The following SLC44A5 variants were observed in gnomAD, a reference collection of about 807,000 sequenced individuals.
The protein encoded by SLC44A5 is solute carrier family 44 member 5, also known as choline transporter-like protein 5.
In SLC44A5, 57 loss-of-function variants were observed where a neutral mutation model predicts 101.8. The ratio of observed to expected loss-of-function variants is 0.56; its 90% confidence interval spans 0.45 to 0.70. The LOEUF (loss-of-function observed/expected upper bound fraction) is 0.70. SLC44A5 is among the 30% of genes least tolerant of loss of function. The pLI, the probability that SLC44A5 is intolerant of heterozygous loss-of-function variation, is 0.00. For missense variants in SLC44A5, 737 were observed against 853.1 expected, an observed-to-expected ratio of 0.86 and a Z score of 1.70; for synonymous variants, 281 against 290.9, an observed-to-expected ratio of 0.97 and a Z score of 0.35.
chr1:75,339,895 C>T (rs1264654868), intron 3 of SLC44A5, among the ~76,000 whole-genome samples: 2 of 152,084 alleles, frequency 1.3e-5, no homozygotes, highest in Admixed American at 1.3e-4. Context: ...ATACTGAGTA[C>T]CAACATTAAA....
intron 2 of SLC44A5, among the ~76,000 whole-genome samples, chr1:75,488,757 G>A (rs1230559137): frequency 6.6e-6 from 1 of 152,172 alleles, no homozygotes. Context: ...ACATTTTTCT[G>A]TAGTTATAGC....
At chr1:75,262,669 G>T (rs910070441) in intron 6 of SLC44A5, among the ~76,000 whole-genome samples, 2 of 152,100 alleles carry the variant, frequency 1.3e-5, no homozygotes, top group South Asian at 2.1e-4. Flanking sequence ...AGCCCGCATT[G>T]CCAAGACAAT....
intron 1 of SLC44A5, among the ~76,000 whole-genome samples, chr1:75,589,511 T>C (rs947265045): frequency 5.3e-5 from 8 of 152,194 alleles, no homozygotes; most frequent in African/African-American, 1.9e-4. Flanking sequence ...GATGGTATAA[T>C]GGAAAGCTCT....
chr1:75,582,741 T>C (rs1673770465), intron 1 of SLC44A5, among the ~76,000 whole-genome samples: 1 of 152,238 alleles, frequency 6.6e-6, no homozygotes, highest in Non-Finnish European at 1.5e-5. Context: ...AAGGAAACTT[T>C]CTAATTTAGC....
chr1:75,606,263 A>G (rs1479512907), intron 1 of SLC44A5, among the ~76,000 whole-genome samples: 1 of 151,948 alleles, frequency 6.6e-6, no homozygotes, highest in African/African-American at 2.4e-5. Context: ...TACCTCTCTT[A>G]ATACTCCATT....
the SLC44A5 span, among the ~76,000 whole-genome samples, chr1:75,722,686 A>G: frequency 0.013 from 1,977 of 152,312 alleles, 55 homozygotes; most frequent in African/African-American, 0.045. Context: ...CACGAGAAGC[A>G]GGGAGCTCTC....
chr1:75,454,580 T>C (rs1443413297), intron 2 of SLC44A5, among the ~76,000 whole-genome samples: 1 of 151,750 alleles, frequency 6.6e-6, no homozygotes, highest in Non-Finnish European at 1.5e-5. Context: ...ATAAAAAGTA[T>C]CCAAATAGGA....
At chr1:75,362,300 G>A (rs76447973) in intron 3 of SLC44A5, among the ~76,000 whole-genome samples, 1 of 151,242 alleles carries the variant, frequency 6.6e-6, no homozygotes, top group African/African-American at 2.4e-5. Flanking sequence ...TTTATGCTGT[G>A]ATCTTCATTA....
At chr1:75,312,028 G>C (rs750348283) in intron 4 of SLC44A5, among the ~76,000 whole-genome samples, 7 of 152,116 alleles carry the variant, frequency 4.6e-5, no homozygotes, top group Non-Finnish European at 8.8e-5. Context: ...ATGTTGATGA[G>C]GGGGGCTGGT....
At chr1:75,561,036 C>A (rs211702) in intron 1 of SLC44A5, among the ~76,000 whole-genome samples, 115,481 of 152,058 alleles carry the variant, frequency 0.76, 44,191 homozygotes, top group East Asian at 0.95. Context: ...ATTCATGTGT[C>A]CACAGGGTAA....
At chr1:75,697,633 A>G in the SLC44A5 span, among the ~76,000 whole-genome samples, 1 of 152,138 alleles carries the variant, frequency 6.6e-6, no homozygotes, top group African/African-American at 2.4e-5. Flanking sequence ...AAAAATACAA[A>G]AATTAGGGGG....
In SLC44A5 at chr1:75,388,150, A is replaced by G. The variant is rs374252751; in HGVS notation, c.52+8433T>C. Among the ~76,000 whole-genome samples the G allele has an allele frequency of 1.6e-4, 24 of 146,870 alleles. 1 individual carries two copies. In the East Asian group the frequency reaches 4.9e-3, roughly 30 times the overall value. On this transcript the variant is annotated intron_variant, in intron 3 of 23. Coordinates refer to ENST00000370859, the MANE Select transcript of SLC44A5 (RefSeq NM_001130058.2). Reference sequence around the variant, plus strand: ...TGGGTGCAGCGCACCAGCATGGCACATGTATACATATGTAACTAACCTGCA... The same window carrying G: ...TGGGTGCAGCGCACCAGCATGGCACGTGTATACATATGTAACTAACCTGCA...
In SLC44A5 at chr1:75,540,540, A is replaced by G. The variant is rs183004638; in HGVS notation, c.13+895T>C. On this transcript the variant is annotated intron_variant, in intron 2 of 23. Transcript: ENST00000370859. ...TTGAGGAACATGTGTAGATTCAAAC[A>G]TATTCTGGGTTCCTCTTTTAAGAAT... Among the ~76,000 whole-genome samples the G allele has an allele frequency of 1.7e-3, 260 of 151,958 alleles. 1 individual carries two copies. The highest frequency in any genetic ancestry group is 0.014 in the Middle Eastern group (4 of 294).
intron 2 of SLC44A5, among the ~76,000 whole-genome samples, chr1:75,427,454 A>C (rs1416452920): frequency 6.6e-6 from 1 of 152,190 alleles, no homozygotes; most frequent in Non-Finnish European, 1.5e-5. Flanking sequence ...GGCCACTTCT[A>C]TTTCTGTAGG....
chr1:75,611,941 C>G (rs752088720), upstream of SLC44A5, among the ~76,000 whole-genome samples: 1 of 152,038 alleles, frequency 6.6e-6, no homozygotes, highest in Non-Finnish European at 1.5e-5. Context: ...CAGAATCCCC[C>G]TCTACCATTA....
intron 23 of SLC44A5, among the ~76,000 whole-genome samples, chr1:75,204,174 G>T (rs776118415): frequency 2.3e-4 from 35 of 151,640 alleles, no homozygotes; most frequent in Non-Finnish European, 4.7e-4. Context: ...GCTTAAAATT[G>T]ATTCTGTTTT....
chr1:75,569,849 C>T (rs761390276), intron 1 of SLC44A5, among the ~76,000 whole-genome samples: 1 of 152,110 alleles, frequency 6.6e-6, no homozygotes, highest in Non-Finnish European at 1.5e-5. Context: ...GGATTCTATA[C>T]CACAAGCAAT....
At chr1:75,338,696 A>G (rs1657636198) in intron 4 of SLC44A5, among the ~76,000 whole-genome samples, 1 of 152,232 alleles carries the variant, frequency 6.6e-6, no homozygotes, top group Admixed American at 6.5e-5. Flanking sequence ...AACCTGAAAC[A>G]AATGACTTGT....
At chr1:75,560,013 T>C (rs1461022738) in intron 1 of SLC44A5, among the ~76,000 whole-genome samples, 1 of 152,158 alleles carries the variant, frequency 6.6e-6, no homozygotes, top group African/African-American at 2.4e-5. Flanking sequence ...GGAATGGCTA[T>C]AATCAAAAAG....
Sources: gnomAD v4.1 joint callset for allele counts (sites outside exome capture counted in the v4.1 genomes callset) on GRCh38, gnomAD v4.1.1 for gene constraint, MANE v1.5 for transcripts, NCBI Gene and HGNC (gene_info 2026-07-23, HGNC 2026-07-21) for gene names.